The following SYNPO2 variants were observed in gnomAD, a reference collection of about 807,000 sequenced individuals.
SYNPO2 encodes synaptopodin 2, also known as synaptopodin-2.
SYNPO2 carries 56 observed loss-of-function variants against 85.0 expected under a neutral mutation model. The ratio of observed to expected loss-of-function variants is 0.66; its 90% CI spans 0.53 to 0.82. The LOEUF is 0.82. Among genes scored for constraint, SYNPO2 ranks in the 40% least tolerant of loss-of-function variants. The pLI, the probability that SYNPO2 is intolerant of heterozygous loss-of-function variation, is 0.00. For missense variants in SYNPO2, 1,575 were observed against 1,534.2 expected, an observed-to-expected ratio of 1.03 and a Z score of -0.44; for synonymous variants, 602 against 591.1, an observed-to-expected ratio of 1.02 and a Z score of -0.27.
chr4:118,954,324 T>C (rs949224668), intron 1 of SYNPO2, among the ~76,000 whole-genome samples: 1 of 152,186 alleles, frequency 6.6e-6, no homozygotes, highest in Non-Finnish European at 1.5e-5. Flanking sequence ...TTCTCGCTCT[T>C]TCTTTTTTTT....
In SYNPO2 at chr4:118,930,738, G is replaced by C. The variant is rs1301597260; in HGVS notation, c.105+41597G>C. On this transcript the variant is annotated intron_variant, in intron 1 of 4. Transcript: ENST00000307142. ...AAGACCAGCCTGGGGAACATAGGAAGACCCCATATCTACAAAAAAAAAAAA... is the reference window on the plus strand; with the variant it reads ...AAGACCAGCCTGGGGAACATAGGAACACCCCATATCTACAAAAAAAAAAAA... Among the ~76,000 whole-genome samples, 95 of 120,152 alleles carry C rather than the reference G, an allele frequency of 7.9e-4. 1 individual carries two copies. Among genetic ancestry groups the C allele is most frequent in the African/African-American group, 2.5e-3 (81 of 32,128 alleles). The allele number at this position is 120,152 out of a possible 152,430, so 78.8% of individuals were successfully genotyped here. A position where few individuals can be genotyped will look rare whatever the true frequency, so the allele number is the denominator to read the frequency against.
chr4:118,966,304 C>T (rs1341417343), intron 1 of SYNPO2, among the ~76,000 whole-genome samples: 1 of 152,194 alleles, frequency 6.6e-6, no homozygotes, highest in African/African-American at 2.4e-5. Flanking sequence ...TCAAGCAATA[C>T]CTTTAAAGCA....
upstream of SYNPO2, among the ~76,000 whole-genome samples, chr4:118,883,910 C>T (rs1732155717): frequency 6.6e-6 from 1 of 152,106 alleles, no homozygotes; most frequent in South Asian, 2.1e-4. Flanking sequence ...GCTGGAAGAA[C>T]ATATTAAACT....
chr4:118,884,134 T>C (rs1732159472), upstream of SYNPO2, among the ~76,000 whole-genome samples: 1 of 152,234 alleles, frequency 6.6e-6, no homozygotes, highest in African/African-American at 2.4e-5. Context: ...GCAAATCTGC[T>C]CTTTGTTTCT....
intron 1 of SYNPO2, among the ~76,000 whole-genome samples, chr4:118,976,094 T>A (rs1253927029): frequency 6.6e-6 from 1 of 152,208 alleles, no homozygotes; most frequent in African/African-American, 2.4e-5. Flanking sequence ...ATTGGTGGGT[T>A]CTTGGTCTCA....
At position 118,876,724 on chromosome 4, in the gene SYNPO2, T is replaced by TCTGC. The variant is rs1553934689; in HGVS notation, c.12+25786_12+25787insGCCT. ...TTCTTTCTTTCTTTCTTTCTTTCTT[T>TCTGC]CTTTCTTTCTTTCTGCCTTTCTCTG... On this transcript the variant is annotated intron_variant, in intron 1 of 4. Transcript: ENST00000610556. 1.0e-3 allele frequency among the ~76,000 whole-genome samples: 128 copies of TCTGC among 124,102 alleles called. 2 individuals are homozygous for TCTGC. The highest frequency in any genetic ancestry group is 3.4e-3 in the African/African-American group (113 of 32,882). The allele number at this position is 124,102 out of a possible 152,430, so 81.4% of individuals were successfully genotyped here.
intron 1 of SYNPO2, among the ~76,000 whole-genome samples, chr4:118,965,981 G>A (rs888703099): frequency 1.3e-5 from 2 of 152,034 alleles, no homozygotes; most frequent in African/African-American, 4.8e-5. Flanking sequence ...CTTGAGCCCA[G>A]GAGGTTGAAG....
At chr4:118,935,202 T>TGTG (rs1460564542) in intron 1 of SYNPO2, among the ~76,000 whole-genome samples, 3 of 152,186 alleles carry the variant, frequency 2.0e-5, no homozygotes, top group Non-Finnish European at 2.9e-5. Flanking sequence ...AAGTAGTTTA[T>TGTG]TGCTATATGT....
chr4:118,967,464 T>C (rs1372543892), intron 1 of SYNPO2, among the ~76,000 whole-genome samples: 2 of 152,252 alleles, frequency 1.3e-5, no homozygotes, highest in East Asian at 3.8e-4. Context: ...TAGCAGGTTG[T>C]GCTCAGAGCC....
chr4:118,902,804 T>C (rs896325485), intron 1 of SYNPO2, among the ~76,000 whole-genome samples: 1 of 152,232 alleles, frequency 6.6e-6, no homozygotes, highest in African/African-American at 2.4e-5. Context: ...AGATCTGTAC[T>C]AGATCACTTA....
At chr4:118,871,741 T>C (rs1260710252) in intron 1 of SYNPO2, among the ~76,000 whole-genome samples, 2 of 152,070 alleles carry the variant, frequency 1.3e-5, no homozygotes, top group East Asian at 1.9e-4. Flanking sequence ...GGCTAATTTG[T>C]TGTATTTTTA....
At position 118,925,463 on chromosome 4, in the gene SYNPO2, C is replaced by T. The variant is rs538234558; in HGVS notation, c.105+36322C>T. 2.6e-5 allele frequency among the ~76,000 whole-genome samples: 4 copies of T among 152,026 alleles called. No homozygotes were observed. In the East Asian group the frequency reaches 7.7e-4, roughly 29 times the overall value. ...TGTTTTTCTAGTCATAGTTTATTATCGTCACCTATGTCTCAGGCTGTCCAC... is the reference window on the plus strand; with the variant it reads ...TGTTTTTCTAGTCATAGTTTATTATTGTCACCTATGTCTCAGGCTGTCCAC... On this transcript the variant is annotated intron_variant, in intron 1 of 4. Transcript: ENST00000307142.
At chr4:118,870,387 G>T (rs1731780761) in intron 1 of SYNPO2, among the ~76,000 whole-genome samples, 2 of 152,212 alleles carry the variant, frequency 1.3e-5, no homozygotes, top group African/African-American at 4.8e-5. Context: ...TTATATGTCA[G>T]GCAGTTGTTT....
At chr4:118,954,695 C>T (rs1397035510) in intron 1 of SYNPO2, among the ~76,000 whole-genome samples, 1 of 152,012 alleles carries the variant, frequency 6.6e-6, no homozygotes, top group Non-Finnish European at 1.5e-5. Context: ...ATCTGAAAAA[C>T]CATTGTCTAA....
At chr4:118,913,906 C>T (rs1283734658) in intron 1 of SYNPO2, among the ~76,000 whole-genome samples, 2 of 152,150 alleles carry the variant, frequency 1.3e-5, no homozygotes, top group Admixed American at 6.6e-5. Flanking sequence ...ATGACATTAT[C>T]TGATGCATAC....
At chr4:119,007,270 ATATATG>A (rs1737107776) in intron 1 of SYNPO2, among the ~76,000 whole-genome samples, 2 of 97,642 alleles carry the variant, frequency 2.0e-5, no homozygotes, top group Admixed American at 1.1e-4. Flanking sequence ...ATATATATAT[ATATATG>A]TATATACATA....
chr4:118,939,126 C>T (rs1246455830), intron 1 of SYNPO2, among the ~76,000 whole-genome samples: 1 of 152,192 alleles, frequency 6.6e-6, no homozygotes, highest in East Asian at 1.9e-4. Context: ...AAAGAAGCTG[C>T]ATACTCTCCT....
chr4:119,006,231 A>G (rs1348779123), intron 1 of SYNPO2: 1 of 152,512 alleles, frequency 6.6e-6, no homozygotes, highest in East Asian at 1.9e-4. Flanking sequence ...ATGCTGATGA[A>G]GTTGTTCAAG....
chr4:118,875,549 A>C (rs1731889550), intron 1 of SYNPO2, among the ~76,000 whole-genome samples: 1 of 152,242 alleles, frequency 6.6e-6, no homozygotes, highest in Admixed American at 6.5e-5. Context: ...AATAGCCATA[A>C]AAATGTATCA....
Sources: allele counts gnomAD v4.1 joint callset (sites outside exome capture counted in the v4.1 genomes callset), GRCh38; gene constraint gnomAD v4.1.1; transcripts MANE v1.5; gene names NCBI Gene and HGNC (gene_info 2026-07-23, HGNC 2026-07-21).